Variants in FER observed in about 807,000 individuals in gnomAD.
FER encodes tyrosine-protein kinase Fer.
Under a neutral mutation model 111.0 loss-of-function variants are expected in FER, and 63 were observed. The ratio of observed to expected loss-of-function variants is 0.57; its 90% CI spans 0.46 to 0.70. The LOEUF is 0.70. Among genes scored for constraint, FER ranks in the 30% least tolerant of loss-of-function variants. The pLI is 0.00. For synonymous variants in FER, 327 were observed against 313.9 expected (o/e 1.04, Z -0.44); for missense variants, 914 against 954.0 (o/e 0.96, Z 0.55).
chr5:108,907,732 A>G (rs1176319491), intron 10 of FER, among the ~76,000 whole-genome samples: 1 of 152,204 alleles, frequency 6.6e-6, no homozygotes, highest in African/African-American at 2.4e-5. Flanking sequence ...AAAACATCAG[A>G]TAGAACTAAG....
At chr5:108,953,221 A>C (rs1757998544) in intron 11 of FER, among the ~76,000 whole-genome samples, 6 of 151,910 alleles carry the variant, frequency 3.9e-5, no homozygotes, top group African/African-American at 1.4e-4. Flanking sequence ...TTTTAAAAGC[A>C]ATATTCTTTT....
chr5:108,843,796 G>A (rs1198630173), intron 5 of FER, among the ~76,000 whole-genome samples: 1 of 151,902 alleles, frequency 6.6e-6, no homozygotes, highest in African/African-American at 2.4e-5. Flanking sequence ...CAAAGTGCTA[G>A]GATTACAGGT....
intron 13 of FER, among the ~76,000 whole-genome samples, chr5:108,960,264 T>C (rs926582254): frequency 2.0e-5 from 3 of 152,172 alleles, no homozygotes; most frequent in Non-Finnish European, 2.9e-5. Flanking sequence ...TATTTCCTTT[T>C]GTTAATCTGG....
chr5:109,124,355 A>T (rs542342010), intron 17 of FER, among the ~76,000 whole-genome samples: 13 of 152,368 alleles, frequency 8.5e-5, no homozygotes, highest in African/African-American at 1.2e-4. Context: ...CAATATTTCC[A>T]TTAAGTGGCT....
intron 17 of FER, among the ~76,000 whole-genome samples, chr5:109,122,137 C>G (rs1751057595): frequency 6.6e-6 from 1 of 151,854 alleles, no homozygotes; most frequent in Non-Finnish European, 1.5e-5. Flanking sequence ...TCTTACTTTT[C>G]TAGTTCTTTC....
intron 3 of FER, among the ~76,000 whole-genome samples, chr5:108,798,823 C>T (rs28460265): frequency 0.19 from 29,280 of 151,872 alleles, 3,032 homozygotes; most frequent in African/African-American, 0.27. Context: ...GACCCTGTCT[C>T]AAAAAACAAA....
chr5:109,068,627 G>A (rs1205104407), intron 16 of FER, among the ~76,000 whole-genome samples: 1 of 152,156 alleles, frequency 6.6e-6, no homozygotes, highest in African/African-American at 2.4e-5. Context: ...AACCATATGT[G>A]GTTTTAAATT....
intron 18 of FER, among the ~76,000 whole-genome samples, chr5:109,182,955 C>G (rs1413258886): frequency 6.6e-6 from 1 of 152,150 alleles, no homozygotes; most frequent in Non-Finnish European, 1.5e-5. Flanking sequence ...AGTCCTCCCA[C>G]CTCATCCTCC....
intron 14 of FER, among the ~76,000 whole-genome samples, chr5:109,041,475 G>A (rs1771172563): frequency 6.6e-6 from 1 of 151,934 alleles, no homozygotes; most frequent in Non-Finnish European, 1.5e-5. Flanking sequence ...AAAAGAGGAA[G>A]TAAGCTAGAA....
chr5:108,780,517 C>T (rs182925917), intron 2 of FER, among the ~76,000 whole-genome samples: 1 of 151,366 alleles, frequency 6.6e-6, no homozygotes, highest in East Asian at 1.9e-4. Context: ...TGTCTTTTTT[C>T]CACTGTCTTC....
intron 13 of FER, among the ~76,000 whole-genome samples, chr5:109,016,179 C>T (rs1326410833): frequency 6.6e-6 from 1 of 152,130 alleles, no homozygotes; most frequent in Non-Finnish European, 1.5e-5. Flanking sequence ...CTGTCAGTAT[C>T]TGTTTCTACA....
intron 3 of FER, among the ~76,000 whole-genome samples, chr5:108,822,757 T>G (rs200982267): frequency 1.7e-5 from 2 of 115,220 alleles, no homozygotes; most frequent in Non-Finnish European, 3.3e-5. Context: ...TATTTTATTT[T>G]ATTTTATTTA....
At chr5:108,927,810 A>G (rs952548690) in intron 10 of FER, among the ~76,000 whole-genome samples, 2 of 152,192 alleles carry the variant, frequency 1.3e-5, no homozygotes, top group African/African-American at 4.8e-5. Context: ...TAGTTTCTAC[A>G]TTTATTGATC....
chr5:109,115,464 CA>C (rs1750113591), intron 17 of FER, among the ~76,000 whole-genome samples: 1 of 152,226 alleles, frequency 6.6e-6, no homozygotes, highest in South Asian at 2.1e-4. Context: ...ATGGAGATAG[CA>C]AAGTAAGTGG....
intron 2 of FER, among the ~76,000 whole-genome samples, chr5:108,776,911 C>T (rs1057438086): frequency 6.6e-6 from 1 of 152,196 alleles, no homozygotes; most frequent in African/African-American, 2.4e-5. Context: ...AAAGTAGATA[C>T]TGTTGCTAAT....
chr5:109,106,310 G>A (rs1190442808), intron 17 of FER, among the ~76,000 whole-genome samples: 1 of 152,044 alleles, frequency 6.6e-6, no homozygotes, highest in East Asian at 1.9e-4. Context: ...CTGAAATGCA[G>A]GAGCATTTTG....
chr5:108,748,807 C>A (rs935721204), intron 1 of FER, among the ~76,000 whole-genome samples: 1 of 152,152 alleles, frequency 6.6e-6, no homozygotes, highest in African/African-American at 2.4e-5. Context: ...GGCTGAGGGC[C>A]GGGCGGCTGC....
chr5:108,765,643 A>G (rs1038847628), intron 1 of FER, among the ~76,000 whole-genome samples: 1 of 152,192 alleles, frequency 6.6e-6, no homozygotes, highest in Non-Finnish European at 1.5e-5. Flanking sequence ...GTCTTTCTTG[A>G]ACTTAGGTCT....
At chr5:108,789,614 C>CT (rs397757201) in intron 2 of FER, among the ~76,000 whole-genome samples, 9,910 of 146,510 alleles carry the variant, frequency 0.068, 376 homozygotes, top group Middle Eastern at 0.079. Context: ...TCTTCTTCTT[C>CT]TTTTTTTTTT....
Sources: allele counts gnomAD v4.1 joint callset (sites outside exome capture counted in the v4.1 genomes callset), GRCh38; gene constraint gnomAD v4.1.1; transcripts MANE v1.5; gene names NCBI Gene and HGNC (gene_info 2026-07-23, HGNC 2026-07-21).